The following HPCAL1 variants were observed in gnomAD, a reference collection of about 807,000 sequenced individuals.
The protein encoded by HPCAL1 is hippocalcin-like protein 1.
Under a neutral mutation model 17.1 loss-of-function variants are expected in HPCAL1, and 8 were observed. The ratio of observed to expected loss-of-function variants is 0.47; its 90% CI spans 0.27 to 0.84. The LOEUF (loss-of-function observed/expected upper bound fraction) is 0.84. Among genes scored for constraint, HPCAL1 ranks in the 40% least tolerant of loss-of-function variants. HPCAL1 has a pLI of 0.13. For missense variants in HPCAL1, 165 were observed against 271.1 expected (o/e 0.61, Z 2.75); for synonymous variants, 112 against 111.4 (o/e 1.01, Z -0.03).
chr2:10,419,973 C>T lies in HPCAL1; in HGVS notation c.216C>T (p.Phe72=), dbSNP rs966207581. The T allele has an allele frequency of 6.2e-7, 1 of 1,613,878 alleles. No individual in the cohort carries two copies. The highest frequency in any genetic ancestry group is 1.3e-5 in the African/African-American group (1 of 74,942). ...TCGCCGAGCACGTCTTCCGCACCTT[C>T]GACACCAACGGCGACGGCACCATCG... ...SKFAEHVFRT[F]DTNGDGTIDF... is the part of the protein sequence containing the mutation. Residue 72 remains phenylalanine, a synonymous_variant, in exon 3 of 5, where the codon TTC becomes TTT. Transcript: ENST00000307845. The surrounding 1 kb of genome is among the most constrained non-coding windows in gnomAD (Gnocchi z 5.0).
chr2:10,397,177 G>T (rs989538417), intron 2 of HPCAL1, among the ~76,000 whole-genome samples: 56 of 152,228 alleles, frequency 3.7e-4, no homozygotes, highest in African/African-American at 1.3e-3. Flanking sequence ...AGCTGGCCAG[G>T]TCTTTCTGGG....
intron 1 of HPCAL1, among the ~76,000 whole-genome samples, chr2:10,360,150 T>C (rs1335493909): frequency 6.6e-6 from 1 of 152,156 alleles, no homozygotes; most frequent in Non-Finnish European, 1.5e-5. Context: ...CGGGTGACTC[T>C]GCTGCGGTCT....
chr2:10,362,116 CTTAG>C lies in HPCAL1; in HGVS notation c.-110-34718_-110-34715del, dbSNP rs1223990849. 6.6e-6 allele frequency among the ~76,000 whole-genome samples: 1 copy of C among 152,244 alleles called. No homozygotes were observed. The highest frequency in any genetic ancestry group is 2.4e-5 in the African/African-American group (1 of 41,462). On this transcript the variant is annotated intron_variant, in intron 1 of 4. Transcript: ENST00000307845. The surrounding 1 kb of genome is among the most constrained non-coding windows in gnomAD (Gnocchi z 5.0). ...AGGTTAAGTCATGTGCCCAAGATCA[CTTAG>C]CTAGTAAGTGATGGGCAGGGCTGTG...
At chr2:10,388,743 C>CAG (rs1668491629) in intron 1 of HPCAL1, among the ~76,000 whole-genome samples, 1 of 152,232 alleles carries the variant, frequency 6.6e-6, no homozygotes, top group Non-Finnish European at 1.5e-5. Context: ...ACTGGGAAGG[C>CAG]CCATCTTTGT....
chr2:10,356,896 A>C (rs977533228), intron 1 of HPCAL1, among the ~76,000 whole-genome samples: 11 of 152,096 alleles, frequency 7.2e-5, no homozygotes, highest in African/African-American at 2.7e-4. Flanking sequence ...ACAACTGTAG[A>C]GTGTTTTAAA....
intron 4 of HPCAL1, chr2:10,426,430 A>T (rs1178914470): frequency 1.0e-5 from 4 of 381,428 alleles, no homozygotes; most frequent in Non-Finnish European, 1.5e-5. Context: ...TAATAAGCGA[A>T]GTGTGGGGTG....
intron 1 of HPCAL1, among the ~76,000 whole-genome samples, chr2:10,327,977 T>A (rs1234926973): frequency 6.6e-6 from 1 of 152,190 alleles, no homozygotes; most frequent in Non-Finnish European, 1.5e-5. Flanking sequence ...ATTTAGTAAG[T>A]GTAAAAGACT....
intron 1 of HPCAL1, among the ~76,000 whole-genome samples, chr2:10,326,621 A>G (rs1301053506): frequency 6.6e-6 from 1 of 152,194 alleles, no homozygotes; most frequent in East Asian, 1.9e-4. Flanking sequence ...TAAGGTGGGA[A>G]TCAAAGGAGA....
chr2:10,306,716 C>A (rs1048594977), intron 1 of HPCAL1, among the ~76,000 whole-genome samples: 1 of 152,160 alleles, frequency 6.6e-6, no homozygotes, highest in Admixed American at 6.5e-5. Context: ...ACAGGTGGAA[C>A]ATTTCTTAGA....
Position 10,310,437 on chromosome 2 carries a change from T to C in HPCAL1, c.-111+7260T>C, listed in dbSNP as rs1443231867. Among the ~76,000 whole-genome samples, 2 of 152,212 alleles carry C rather than the reference T, an allele frequency of 1.3e-5. No individual in the cohort carries two copies. Among genetic ancestry groups the C allele is most frequent in the African/African-American group, 2.4e-5 (1 of 41,456 alleles). The stretch of plus-strand genomic sequence containing the variant: ...ATGAGGCATGTTTTGATCCAGGCTG[T>C]CGTAGCAAGGGATTTGATGCTGGAG... On this transcript the variant is annotated intron_variant, in intron 1 of 4. Coordinates refer to ENST00000307845, the MANE Select transcript of HPCAL1 (RefSeq NM_002149.4). The surrounding 1 kb of genome is among the most constrained non-coding windows in gnomAD (Gnocchi z 4.5).
chr2:10,383,327 G>A (rs147355873), intron 1 of HPCAL1, among the ~76,000 whole-genome samples: 11,620 of 151,860 alleles, frequency 0.077, 535 homozygotes, highest in Middle Eastern at 0.16. Flanking sequence ...AGCCAAGATC[G>A]CGCCACTGTG....
chr2:10,305,496 A>G (rs6432090), intron 1 of HPCAL1, among the ~76,000 whole-genome samples: 100,151 of 152,148 alleles, frequency 0.66, 33,176 homozygotes, highest in Middle Eastern at 0.74. Context: ...ACGGTGGCAC[A>G]TTCTAGCCTT....
chr2:10,419,710 C>T lies in HPCAL1; in HGVS notation c.-24-24C>T. Reference sequence around the variant, plus strand: ...CTGCTCCGTGGCCGTGGGTGGCGTCCCCGGCTGACCCCCTGTCTTGCAGGT... The same window carrying T: ...CTGCTCCGTGGCCGTGGGTGGCGTCTCCGGCTGACCCCCTGTCTTGCAGGT... On this transcript the variant is annotated intron_variant, in intron 2 of 4. Coordinates refer to ENST00000307845, the MANE Select transcript of HPCAL1 (RefSeq NM_002149.4). The surrounding 1 kb of genome is among the most constrained non-coding windows in gnomAD (Gnocchi z 5.0). 1 of 1,572,296 alleles carries T rather than the reference C, an allele frequency of 6.4e-7. No individual in the cohort carries two copies.
At chr2:10,378,643 T>C (rs948705642) in intron 1 of HPCAL1, among the ~76,000 whole-genome samples, 1 of 152,100 alleles carries the variant, frequency 6.6e-6, no homozygotes, top group Non-Finnish European at 1.5e-5. Context: ...ACCTAATTAC[T>C]TTCCAAAGGC....
intron 2 of HPCAL1, among the ~76,000 whole-genome samples, chr2:10,401,250 C>T (rs1669590972): frequency 6.6e-6 from 1 of 152,166 alleles, no homozygotes; most frequent in Admixed American, 6.5e-5. Context: ...CAGCACCACA[C>T]CAGGCACAGG....
Position 10,362,350 on chromosome 2 carries a change from G to C in HPCAL1, c.-110-34485G>C, listed in dbSNP as rs982649217. 2.7e-4 allele frequency among the ~76,000 whole-genome samples: 41 copies of C among 152,154 alleles called. 1 individual carries two copies. Among genetic ancestry groups the C allele is most frequent in the African/African-American group, 9.9e-4 (41 of 41,428 alleles). The stretch of plus-strand genomic sequence containing the variant: ...CAGGAGCATGGGGGACAACAGTCCA[G>C]GGAGGGCCACATGACAGCAAGCAGA... On this transcript the variant is annotated intron_variant, in intron 1 of 4. Coordinates refer to ENST00000307845, the MANE Select transcript of HPCAL1 (RefSeq NM_002149.4). The surrounding 1 kb of genome is among the most constrained non-coding windows in gnomAD (Gnocchi z 5.0).
Position 10,323,248 on chromosome 2 carries a change from G to T in HPCAL1, c.-111+20071G>T, listed in dbSNP as rs546778389. Among the ~76,000 whole-genome samples, 12 of 152,340 alleles carry T rather than the reference G, an allele frequency of 7.9e-5. No individual in the cohort carries two copies. Among genetic ancestry groups the T allele is most frequent in the Admixed American group, 4.6e-4 (7 of 15,304 alleles). On this transcript the variant is annotated intron_variant, in intron 1 of 4. Coordinates refer to ENST00000307845, the MANE Select transcript of HPCAL1 (RefSeq NM_002149.4). The surrounding 1 kb of genome is among the most constrained non-coding windows in gnomAD (Gnocchi z 4.6). ...TGCTCCACGCTCTCAACCGTTGGTT[G>T]CAGGTTCCCGTCCAGCCTCTCAAGC...
intron 1 of HPCAL1, among the ~76,000 whole-genome samples, chr2:10,378,727 A>G (rs1667748650): frequency 6.6e-6 from 1 of 152,216 alleles, no homozygotes; most frequent in African/African-American, 2.4e-5. Flanking sequence ...ACAGCCGTTC[A>G]GTCCATGACC....
intron 1 of HPCAL1, among the ~76,000 whole-genome samples, chr2:10,373,789 A>G (rs1304733953): frequency 1.3e-5 from 2 of 152,044 alleles, no homozygotes; most frequent in Admixed American, 6.6e-5. Flanking sequence ...TGCCATCTTC[A>G]TGCAGTGGGA....
Sources: allele counts gnomAD v4.1 joint callset (sites outside exome capture counted in the v4.1 genomes callset), GRCh38; gene constraint gnomAD v4.1.1; non-coding constraint Gnocchi (gnomAD v3.1); transcripts MANE v1.5; gene names NCBI Gene and HGNC (gene_info 2026-07-23, HGNC 2026-07-21).